HAUS7: variants seen among roughly 807,000 people sequenced by gnomAD.
The protein encoded by HAUS7 is HAUS augmin-like complex subunit 7.
In HAUS7, 3 loss-of-function variants were observed where a neutral mutation model predicts 28.4. The observed-to-expected ratio is 0.11, with a 90% CI of 0.05 to 0.27. The LOEUF (loss-of-function observed/expected upper bound fraction) is 0.27. Among genes scored for constraint, HAUS7 ranks in the 10% least tolerant of loss-of-function variants. The pLI is 1.00. For synonymous variants in HAUS7, 165 were observed against 132.1 expected (o/e 1.25, Z -1.71); for missense variants, 284 against 297.3 (o/e 0.96, Z 0.33).
chrX:153,477,319 G>A (rs2089568700), intron 1 of HAUS7, among the ~76,000 whole-genome samples: 1 of 113,445 alleles, frequency 8.8e-6, no homozygotes, highest in Non-Finnish European at 1.9e-5. Context: ...TAGGGGGCCA[G>A]GATTCCAGAA....
intron 1 of HAUS7, among the ~76,000 whole-genome samples, chrX:153,488,586 GC>G (rs1452788996): frequency 2.7e-5 from 3 of 112,471 alleles, no homozygotes; most frequent in Non-Finnish European, 3.8e-5. Flanking sequence ...CCTCCAGCTG[GC>G]CCCTCAGATA....
At chrX:153,469,729 G>A (rs148468498) in intron 1 of HAUS7, among the ~76,000 whole-genome samples, 66 of 112,178 alleles carry the variant, frequency 5.9e-4, no homozygotes, top group African/African-American at 2.1e-3. Context: ...CATCTCCCGC[G>A]GCATGCAGAC....
At chrX:153,483,264 G>T in intron 1 of HAUS7, 1 of 745,832 alleles carries the variant, frequency 1.3e-6, no homozygotes, top group East Asian at 1.5e-4. Context: ...CCAACAACTG[G>T]CAGGTGGGCC....
upstream of HAUS7, among the ~76,000 whole-genome samples, chrX:153,472,476 T>C (rs1187058569): frequency 2.7e-5 from 2 of 73,802 alleles, no homozygotes; most frequent in Non-Finnish European, 5.0e-5. Flanking sequence ...CCCAGAATCA[T>C]AGCACCTCCC....
Position 153,456,374 on chromosome X carries a change from G to A in HAUS7, c.606-10C>T. 5 of 1,198,794 alleles carry A rather than the reference G, an allele frequency of 4.2e-6. No individual in the cohort carries two copies. The highest frequency in any genetic ancestry group is 5.7e-6 in the Non-Finnish European group (5 of 883,841). ...GGCAGAGGCACTGGCCCTGCAGGGA[G>A]AGAAAGGGAACACTTGCAACTCACC... On this transcript the variant is annotated splice_polypyrimidine_tract_variant and intron_variant, in intron 6 of 9. Coordinates refer to ENST00000370211, the MANE Select transcript of HAUS7 (RefSeq NM_001385482.1).
intron 4 of HAUS7, among the ~76,000 whole-genome samples, chrX:153,459,031 T>C (rs782215221): frequency 8.9e-6 from 1 of 112,318 alleles, no homozygotes. Flanking sequence ...GTGCTGGGAT[T>C]ACAGGCATGA....
intron 1 of HAUS7, among the ~76,000 whole-genome samples, chrX:153,491,904 C>T (rs1556989694): frequency 8.8e-6 from 1 of 113,108 alleles, no homozygotes; most frequent in Non-Finnish European, 1.9e-5. Context: ...CCTTCTGGCC[C>T]TCTACAGCCT....
intron 1 of HAUS7, chrX:153,482,966 G>C (rs1402675040): frequency 7.8e-6 from 1 of 128,789 alleles, no homozygotes; most frequent in Non-Finnish European, 1.5e-5. Context: ...CAGCCCATAG[G>C]GGGATCTGTG....
At chrX:153,486,661 C>T (rs1556988610) in intron 1 of HAUS7, 15 of 981,091 alleles carry the variant, frequency 1.5e-5, no homozygotes, top group African/African-American at 2.0e-5. Context: ...CTGTGACATG[C>T]GCGTGGCTCA....
chrX:153,490,182 G>A (rs1186616370), intron 1 of HAUS7, among the ~76,000 whole-genome samples: 2 of 112,489 alleles, frequency 1.8e-5, no homozygotes, highest in East Asian at 5.6e-4. Context: ...CCCGGACTTC[G>A]GCTTCCAAGG....
intron 2 of HAUS7, among the ~76,000 whole-genome samples, chrX:153,466,021 C>T (rs1337239842): frequency 1.8e-5 from 2 of 112,882 alleles, no homozygotes; most frequent in Non-Finnish European, 3.7e-5. Flanking sequence ...AGCCTGCTGA[C>T]TCGTGTGGTG....
chrX:153,466,632 CATCT>C (rs781866530), intron 2 of HAUS7, among the ~76,000 whole-genome samples: 185 of 112,460 alleles, frequency 1.6e-3, no homozygotes, highest in African/African-American at 5.6e-3. Flanking sequence ...AACTCCCATC[CATCT>C]GATTCTCCTG....
intron 1 of HAUS7, chrX:153,486,104 C>T (rs1556988494): frequency 4.3e-6 from 4 of 934,987 alleles, no homozygotes; most frequent in Non-Finnish European, 2.7e-6. Context: ...CAGGTAGGGC[C>T]CCCCTCCTCG....
chrX:153,463,656 G>GCCTGATCT (rs1276483665), intron 3 of HAUS7, among the ~76,000 whole-genome samples: 1 of 112,531 alleles, frequency 8.9e-6, no homozygotes, highest in Non-Finnish European at 1.9e-5. Context: ...ACATGGCCTG[G>GCCTGATCT]CCTGATCTGG....
intron 1 of HAUS7, among the ~76,000 whole-genome samples, chrX:153,477,882 G>C (rs782255060): frequency 1.3e-3 from 143 of 112,199 alleles, no homozygotes; most frequent in Non-Finnish European, 2.4e-3. Context: ...TGGAGCGGCA[G>C]CTCCTCAAGG....
chrX:153,447,779 T>C lies in HAUS7; in HGVS notation c.*99A>G, dbSNP rs781796225. 3 of 716,928 alleles carry C rather than the reference T, an allele frequency of 4.2e-6. No homozygotes were observed. The highest frequency in any genetic ancestry group is 6.8e-6 in the Non-Finnish European group (3 of 442,964). 59.1% of individuals were successfully genotyped at this position (716,928 alleles called of 1,213,427 possible). On this transcript the variant is annotated 3_prime_UTR_variant, in exon 10 of 10. Transcript: ENST00000370211. ...CACAACGTGGGGCTGCAACGGCTTC[T>C]GCTGCCACAATCATCCATCCTCGGC...
At chrX:153,461,836 C>T (rs782581384) in intron 4 of HAUS7, 1 of 291,488 alleles carries the variant, frequency 3.4e-6, no homozygotes, top group South Asian at 1.9e-4. Flanking sequence ...GGGGGCTCCT[C>T]GAAAAGTTAA....
Position 153,476,894 on chromosome X carries a change from G to C in HAUS7, c.-588-5749C>G, listed in dbSNP as rs565539798. 1.8e-3 allele frequency among the ~76,000 whole-genome samples: 202 copies of C among 112,361 alleles called. 2 individuals carry two copies. The highest frequency in any genetic ancestry group is 4.4e-3 in the South Asian group (12 of 2,725). ...AGTCCGTCAGTGAGCTCTTGGGCGG[G>C]GGGGAGGGCAAGGCAGAAACTTGCC... is the stretch of plus-strand genomic sequence containing the variant. On this transcript the variant is annotated intron_variant, in intron 1 of 5. Coordinates refer to the HAUS7 transcript ENST00000370210.
chrX:153,493,471 G>A (rs2089684404), intron 1 of HAUS7, among the ~76,000 whole-genome samples: 1 of 112,128 alleles, frequency 8.9e-6, no homozygotes, highest in Admixed American at 9.4e-5. Context: ...GCTGAGGCTG[G>A]GCAAAAGGTA....
Sources: allele counts gnomAD v4.1 joint callset (sites outside exome capture counted in the v4.1 genomes callset), GRCh38; gene constraint gnomAD v4.1.1; transcripts MANE v1.5; gene names NCBI Gene and HGNC (gene_info 2026-07-23, HGNC 2026-07-21).